Variants in GALNT13 observed in about 807,000 individuals in gnomAD.
GALNT13 encodes polypeptide N-acetylgalactosaminyltransferase 13.
In GALNT13, 28 loss-of-function variants were observed where a neutral mutation model predicts 64.2. The ratio of observed to expected loss-of-function variants is 0.44; its 90% CI spans 0.32 to 0.60. The LOEUF is 0.60. Ranked by LOEUF, GALNT13 falls within the 20% of genes least tolerant of loss-of-function variation. The probability of loss-of-function intolerance (pLI) is 0.05; values close to 1 mark genes in which losing one functional copy is unlikely to be tolerated. For synonymous variants in GALNT13, 214 were observed against 224.6 expected (o/e 0.95, Z 0.42); for missense variants, 577 against 669.8 (o/e 0.86, Z 1.53).
intron 4 of GALNT13, among the ~76,000 whole-genome samples, chr2:154,149,643 G>T (rs538406333): frequency 1.7e-3 from 265 of 152,102 alleles, no homozygotes; most frequent in Non-Finnish European, 3.0e-3. Flanking sequence ...GGTCCTTCAC[G>T]TCCCTTGTAA....
At chr2:153,440,416 T>A in the GALNT13 span, among the ~76,000 whole-genome samples, 1 of 152,216 alleles carries the variant, frequency 6.6e-6, no homozygotes, top group Non-Finnish European at 1.5e-5. Context: ...AACATATGTG[T>A]GCATGTGTCT....
the GALNT13 span, among the ~76,000 whole-genome samples, chr2:153,485,907 A>T: frequency 6.6e-6 from 1 of 152,174 alleles, no homozygotes. Context: ...CTTAAAAAAC[A>T]AACAAAAAAG....
At position 154,326,499 on chromosome 2, in the gene GALNT13, C is replaced by G. The variant is rs143924941; in HGVS notation, c.1156+24910C>G. On this transcript the variant is annotated intron_variant, in intron 9 of 12. Transcript: ENST00000392825. ...ACTGGGAATTCTGTATTTTTATTTG[C>G]TACATCTGGAAATTCTACATATATA... Among the ~76,000 whole-genome samples the G allele has an allele frequency of 1.9e-3, 290 of 152,042 alleles. 1 individual carries two copies. The highest frequency in any genetic ancestry group is 6.7e-3 in the African/African-American group (279 of 41,496).
intron 9 of GALNT13, among the ~76,000 whole-genome samples, chr2:154,368,443 G>A (rs563397441): frequency 6.6e-6 from 1 of 152,162 alleles, no homozygotes; most frequent in African/African-American, 2.4e-5. Context: ...TGGGATGAAG[G>A]CCTTTTTTAA....
the GALNT13 span, among the ~76,000 whole-genome samples, chr2:153,546,626 C>T: frequency 1.3e-5 from 2 of 152,100 alleles, no homozygotes; most frequent in African/African-American, 4.8e-5. Flanking sequence ...CAGCCAAGTA[C>T]GATATCAAGT....
At chr2:154,006,473 G>A (rs1696257669) in intron 3 of GALNT13, among the ~76,000 whole-genome samples, 1 of 152,048 alleles carries the variant, frequency 6.6e-6, no homozygotes, top group African/African-American at 2.4e-5. Context: ...TTTTATTGAT[G>A]TACTAAATCT....
At chr2:153,816,718 AGC>A in the GALNT13 span, among the ~76,000 whole-genome samples, 1 of 152,218 alleles carries the variant, frequency 6.6e-6, no homozygotes, top group African/African-American at 2.4e-5. Flanking sequence ...TAGGATCTAT[AGC>A]AAGAGACAAA....
chr2:153,948,931 A>G (rs918087492), intron 3 of GALNT13, among the ~76,000 whole-genome samples: 2 of 152,134 alleles, frequency 1.3e-5, no homozygotes, highest in Non-Finnish European at 2.9e-5. Context: ...AGTGTGTACA[A>G]CAAACCCAAG....
chr2:153,417,320 G>C, the GALNT13 span, among the ~76,000 whole-genome samples: 1 of 152,156 alleles, frequency 6.6e-6, no homozygotes, highest in Non-Finnish European at 1.5e-5. Flanking sequence ...GGCCTTGCAG[G>C]CCCAGTCAAT....
At chr2:154,041,278 T>G (rs575964855) in intron 3 of GALNT13, among the ~76,000 whole-genome samples, 1 of 140,898 alleles carries the variant, frequency 7.1e-6, no homozygotes, top group African/African-American at 2.4e-5. Context: ...GTTTTTAGAC[T>G]ATATTATTTT....
At chr2:153,647,657 G>A in the GALNT13 span, among the ~76,000 whole-genome samples, 1 of 152,164 alleles carries the variant, frequency 6.6e-6, no homozygotes, top group Non-Finnish European at 1.5e-5. Context: ...GTGTAAGGAA[G>A]GGATCCAGTT....
At chr2:153,955,820 C>T (rs11900481) in intron 3 of GALNT13, among the ~76,000 whole-genome samples, 19,234 of 152,170 alleles carry the variant, frequency 0.13, 2,178 homozygotes, top group African/African-American at 0.3. Context: ...CCTCCACTCT[C>T]ATCTGGCCGA....
At chr2:153,163,331 T>G in the GALNT13 span, among the ~76,000 whole-genome samples, 1 of 152,148 alleles carries the variant, frequency 6.6e-6, no homozygotes, top group Non-Finnish European at 1.5e-5. Flanking sequence ...TTCAGGGTTT[T>G]TTTTGGTGTG....
chr2:154,000,894 A>G (rs1045837368), intron 3 of GALNT13, among the ~76,000 whole-genome samples: 1 of 151,988 alleles, frequency 6.6e-6, no homozygotes, highest in Non-Finnish European at 1.5e-5. Flanking sequence ...GGGAGTTGAC[A>G]TCTCCTACTA....
At chr2:153,594,611 A>G in the GALNT13 span, among the ~76,000 whole-genome samples, 1 of 152,038 alleles carries the variant, frequency 6.6e-6, no homozygotes, top group Non-Finnish European at 1.5e-5. Flanking sequence ...TTCAGTTGTG[A>G]TATTTCTTCC....
At chr2:153,177,738 ACT>A in the GALNT13 span, among the ~76,000 whole-genome samples, 1 of 152,222 alleles carries the variant, frequency 6.6e-6, no homozygotes, top group East Asian at 1.9e-4. Flanking sequence ...TTTAAAATTC[ACT>A]CTCAGTGATT....
At chr2:153,477,331 AG>A in the GALNT13 span, 2 of 152,704 alleles carry the variant, frequency 1.3e-5, no homozygotes, top group Admixed American at 1.3e-4. Flanking sequence ...CCAGGAGGCC[AG>A]GAACAAAACG....
the GALNT13 span, among the ~76,000 whole-genome samples, chr2:153,268,621 CA>C: frequency 6.6e-6 from 1 of 152,212 alleles, no homozygotes; most frequent in Non-Finnish European, 1.5e-5. Flanking sequence ...ATGGTGGCTC[CA>C]ACCTCACATT....
At chr2:154,261,516 C>T (rs866126293) in intron 8 of GALNT13, among the ~76,000 whole-genome samples, 1 of 152,098 alleles carries the variant, frequency 6.6e-6, no homozygotes, top group African/African-American at 2.4e-5. Context: ...TGAGACCACT[C>T]ATCTCTCTTT....
Sources: allele counts gnomAD v4.1 joint callset (sites outside exome capture counted in the v4.1 genomes callset), GRCh38; gene constraint gnomAD v4.1.1; transcripts MANE v1.5; gene names NCBI Gene and HGNC (gene_info 2026-07-23, HGNC 2026-07-21).